STKLD1: variants seen among roughly 807,000 people sequenced by gnomAD.
STKLD1 encodes serine/threonine kinase like domain containing 1.
In STKLD1, 79 loss-of-function variants were observed where a neutral mutation model predicts 80.4. The observed-to-expected ratio is 0.98, with a 90% confidence interval of 0.82 to 1.19. The LOEUF is 1.19. Ranked by LOEUF, STKLD1 falls within the 50% of genes most tolerant of loss-of-function variation. The probability of loss-of-function intolerance (pLI) is 0.00; values close to 1 mark genes in which losing one functional copy is unlikely to be tolerated. For synonymous variants in STKLD1, 393 were observed against 357.6 expected (o/e 1.10, Z -1.12); for missense variants, 841 against 856.0 (o/e 0.98, Z 0.22).
At chr9:133,391,302 C>G (rs886366032) in intron 7 of STKLD1, among the ~76,000 whole-genome samples, 1 of 149,700 alleles carries the variant, frequency 6.7e-6, no homozygotes, top group Non-Finnish European at 1.5e-5. Context: ...CGCCTCTGCC[C>G]GGCCGCCCCT....
chr9:133,378,827 G>A (rs2130258672), intron 1 of STKLD1, among the ~76,000 whole-genome samples: 15 of 152,306 alleles, frequency 9.8e-5, no homozygotes, highest in African/African-American at 3.1e-4. Flanking sequence ...CTCCAGAATC[G>A]GCCCCAAATA....
At chr9:133,402,801 A>C in intron 13 of STKLD1, 77 bp from the exon 14 acceptor site, 1 of 1,502,924 alleles carries the variant, frequency 6.7e-7, no homozygotes, top group Non-Finnish European at 9.0e-7. Context: ...ATGGGACTGC[A>C]GTGCCCAAGG....
Position 133,405,524 on chromosome 9 carries a change from T to C in STKLD1, c.*103T>C. The C allele has an allele frequency of 1.6e-6, 2 of 1,220,374 alleles. No individual in the cohort carries two copies. The highest frequency in any genetic ancestry group is 2.2e-6 in the Non-Finnish European group (2 of 899,276). The allele number at this position is 1,220,374 out of a possible 1,614,324, so 75.6% of individuals were successfully genotyped here. A position where few individuals can be genotyped will look rare whatever the true frequency, so the allele number is the denominator to read the frequency against. Reference sequence around the variant, plus strand: ...TCTATGACTGGGCCAAAATCAATCTTAAACGGGAGGGGTAATCAGACCTCT... The same window carrying C: ...TCTATGACTGGGCCAAAATCAATCTCAAACGGGAGGGGTAATCAGACCTCT... On this transcript the variant is annotated 3_prime_UTR_variant, in exon 18 of 18. Coordinates refer to ENST00000371957, the MANE Select transcript of STKLD1 (RefSeq NM_153710.5).
Position 133,403,699 on chromosome 9 carries a change from G to C in STKLD1, c.1475-1G>C, listed in dbSNP as rs150641045. On this transcript the variant is annotated splice_acceptor_variant, in intron 14 of 17. Transcript: ENST00000371957. LOFTEE classifies it high-confidence loss of function. The stretch of plus-strand genomic sequence containing the variant: ...CCCTTCCATCCCTGTCCTCGTTCCA[G>C]GTATCATTGTGAACAAGGCCCCCTT... 7.4e-6 allele frequency: 12 copies of C among 1,612,890 alleles called. No individual in the cohort carries two copies. Among genetic ancestry groups the C allele is most frequent in the Non-Finnish European group, 7.6e-6 (9 of 1,179,384 alleles).
Position 133,390,331 on chromosome 9 carries a change from A to G in STKLD1, c.468-350A>G, listed in dbSNP as rs1361881066. ...GTCACTAGACGTCGCACAATGGCCA[A>G]AAATCAATCCCCAGGCAAACGTGTA... On this transcript the variant is annotated intron_variant, in intron 6 of 17. Coordinates refer to ENST00000371957, the MANE Select transcript of STKLD1 (RefSeq NM_153710.5). This position sits in a 1 kb window ranked among gnomAD's most constrained non-coding sequence, Gnocchi z 5.1. Among the ~76,000 whole-genome samples, 1 of 152,184 alleles carries G rather than the reference A, an allele frequency of 6.6e-6. No homozygotes were observed. Among genetic ancestry groups the G allele is most frequent in the Non-Finnish European group, 1.5e-5 (1 of 68,044 alleles).
Position 133,390,415 on chromosome 9 carries a change from G to T in STKLD1, c.468-266G>T, listed in dbSNP as rs1269290397. 6.6e-6 allele frequency among the ~76,000 whole-genome samples: 1 copy of T among 152,182 alleles called. No individual in the cohort carries two copies. Among genetic ancestry groups the T allele is most frequent in the Non-Finnish European group, 1.5e-5 (1 of 68,038 alleles). On this transcript the variant is annotated intron_variant, in intron 6 of 17. Transcript: ENST00000371957. This position sits in a 1 kb window ranked among gnomAD's most constrained non-coding sequence, Gnocchi z 5.1. ...AAGGGGCCTCTTCGGAGTGCTGGGT[G>T]TGTTCCTACTTGTGGTTGAGGATTT...
rs1228392064 is a variant in STKLD1, at chr9:133,393,366, GGATGGATAGATGGGTAGGTGAGTA to G, written c.584-917_584-894del. 7.5e-5 allele frequency among the ~76,000 whole-genome samples: 11 copies of G among 146,152 alleles called. No homozygotes were observed. In the East Asian group the frequency reaches 2.3e-3, roughly 30 times the overall value. ...TGGGTGGGTGGGTCAGTGGATATAT[GGATGGATAGATGGGTAGGTGAGTA>G]GATGGATGGATGGGTGTGTGGTTAG... On this transcript the variant is annotated intron_variant, in intron 7 of 17. Transcript: ENST00000371957.
In STKLD1 at chr9:133,385,794, T is replaced by A. The variant is rs1275857998; in HGVS notation, c.294+103T>A. The A allele has an allele frequency of 9.2e-7, 1 of 1,090,746 alleles. No individual in the cohort carries two copies. The highest frequency in any genetic ancestry group is 1.4e-6 in the Non-Finnish European group (1 of 731,992). The allele number at this position is 1,090,746 out of a possible 1,614,324, so 67.6% of individuals were successfully genotyped here. The stretch of plus-strand genomic sequence containing the variant: ...GCCCACCCCCCACTGTCAGAATAGC[T>A]CGTGTGGCAATGGCAGTGACTGTAA... On this transcript the variant is annotated intron_variant, in intron 4 of 17. Transcript: ENST00000371957. The surrounding 1 kb of genome is among the most constrained non-coding windows in gnomAD (Gnocchi z 4.9).
At chr9:133,382,108 A>G (rs2130267531) in intron 2 of STKLD1, among the ~76,000 whole-genome samples, 10 of 152,078 alleles carry the variant, frequency 6.6e-5, no homozygotes, top group Admixed American at 5.2e-4. Context: ...TTCCCTTTCC[A>G]TGCCCTCCCC....
chr9:133,392,621 G>A (rs1838430014), intron 7 of STKLD1, among the ~76,000 whole-genome samples: 3 of 120,948 alleles, frequency 2.5e-5, no homozygotes, highest in African/African-American at 6.0e-5. Context: ...ATGGATGGAT[G>A]GATGGATGGA....
In STKLD1 at chr9:133,389,977, C is replaced by G. The variant is rs1468724423; in HGVS notation, c.467+381C>G. Among the ~76,000 whole-genome samples the G allele has an allele frequency of 6.6e-6, 1 of 152,182 alleles. No homozygotes were observed. The highest frequency in any genetic ancestry group is 1.5e-5 in the Non-Finnish European group (1 of 68,038). Reference sequence around the variant, plus strand: ...CGGCACAACTTTCAGGCTGGAGAATCCATGGTCTGAAGGGGCTGGGAGATG... The same window carrying G: ...CGGCACAACTTTCAGGCTGGAGAATGCATGGTCTGAAGGGGCTGGGAGATG... On this transcript the variant is annotated intron_variant, in intron 6 of 17. Coordinates refer to ENST00000371957, the MANE Select transcript of STKLD1 (RefSeq NM_153710.5). The surrounding 1 kb of genome is among the most constrained non-coding windows in gnomAD (Gnocchi z 6.4).
At chr9:133,387,682 C>A in intron 5 of STKLD1, 134 bp downstream of exon 5, 1 of 730,798 alleles carries the variant, frequency 1.4e-6, no homozygotes. Context: ...ATGTGTGCCT[C>A]GAGGCATTGC....
intron 7 of STKLD1, among the ~76,000 whole-genome samples, chr9:133,392,369 A>C (rs2119223663): frequency 6.6e-6 from 1 of 151,804 alleles, no homozygotes; most frequent in South Asian, 2.1e-4. Flanking sequence ...ACCCGGCCAC[A>C]CTCAGTCCTT....
chr9:133,377,624 T>C (rs2130255032), intron 1 of STKLD1, among the ~76,000 whole-genome samples: 5 of 152,064 alleles, frequency 3.3e-5, no homozygotes, highest in Non-Finnish European at 5.9e-5. Flanking sequence ...GATAGCGCCA[T>C]TGGACTCCAG....
chr9:133,399,124 G>C (rs1838631968), intron 11 of STKLD1, among the ~76,000 whole-genome samples: 1 of 152,236 alleles, frequency 6.6e-6, no homozygotes, highest in South Asian at 2.1e-4. Context: ...AAAGTGTTGG[G>C]ATTACAGGCG....
intron 12 of STKLD1, among the ~76,000 whole-genome samples, chr9:133,401,143 C>CCT (rs1390295887): frequency 8.5e-4 from 117 of 138,014 alleles, no homozygotes; most frequent in Middle Eastern, 3.7e-3. Flanking sequence ...TATTTAGTTA[C>CCT]TTTTTTTTTT....
At chr9:133,392,181 A>T (rs1026086870) in intron 7 of STKLD1, among the ~76,000 whole-genome samples, 1 of 148,190 alleles carries the variant, frequency 6.7e-6, no homozygotes, top group Non-Finnish European at 1.5e-5. Flanking sequence ...GGTTCACGCC[A>T]TTCTCCTGCC....
chr9:133,401,586 T>G lies in STKLD1; in HGVS notation c.1199-152T>G, dbSNP rs1456581906. On this transcript the variant is annotated intron_variant, in intron 12 of 17. Transcript: ENST00000371957. ...CTTCACTCCATTAGGCCACAGGGAT[T>G]CATGGAGGCCTGCTCTGGGTCAGAA... 4 of 972,352 alleles carry G rather than the reference T, an allele frequency of 4.1e-6. 1 individual carries two copies. In the Admixed American group the frequency reaches 1.2e-4, roughly 29 times the overall value. 60.2% of individuals were successfully genotyped at this position (972,352 alleles called of 1,614,324 possible). A position where few individuals can be genotyped will look rare whatever the true frequency, so the allele number is the denominator to read the frequency against.
At chr9:133,400,623 G>A (rs1484063612) in intron 12 of STKLD1, 94 bp downstream of exon 12, 1 of 1,035,314 alleles carries the variant, frequency 9.7e-7, no homozygotes, top group South Asian at 1.3e-5. Context: ...CGGGCCGGGT[G>A]GGTTAGGGGA....
Sources: gnomAD v4.1 joint callset for allele counts (sites outside exome capture counted in the v4.1 genomes callset) on GRCh38, gnomAD v4.1.1 for gene constraint, Gnocchi (gnomAD v3.1) non-coding constraint, MANE v1.5 for transcripts, NCBI Gene and HGNC (gene_info 2026-07-23, HGNC 2026-07-21) for gene names.